GPHN: variants seen among roughly 807,000 people sequenced by gnomAD.
GPHN encodes the protein gephyrin.
A neutral mutation model predicts 95.5 loss-of-function variants in GPHN; 17 were observed. The ratio of observed to expected loss-of-function variants is 0.18; its 90% CI spans 0.12 to 0.27. GPHN has a LOEUF of 0.27. GPHN is among the 10% of genes least tolerant of loss of function. The pLI is 1.00. For missense variants in GPHN, 660 were observed against 978.1 expected, an observed-to-expected ratio of 0.67 and a Z score of 4.34; for synonymous variants, 320 against 322.5, an observed-to-expected ratio of 0.99 and a Z score of 0.08.
At chr14:67,035,069 T>C (rs1308036258) in intron 10 of GPHN, among the ~76,000 whole-genome samples, 2 of 151,914 alleles carry the variant, frequency 1.3e-5, no homozygotes, top group Non-Finnish European at 1.5e-5. Flanking sequence ...GAGATCTTAG[T>C]GGACTGAAAC....
chr14:67,409,051 T>TA, the GPHN span, among the ~76,000 whole-genome samples: 2,784 of 108,490 alleles, frequency 0.026, 29 homozygotes, highest in African/African-American at 0.033. Context: ...ATTGTCGCTA[T>TA]AAAAAAAAAA....
At chr14:67,610,105 C>T in the GPHN span, among the ~76,000 whole-genome samples, 1 of 151,272 alleles carries the variant, frequency 6.6e-6, no homozygotes, top group Non-Finnish European at 1.5e-5. Flanking sequence ...CGAGGGTTGC[C>T]AGCGGCGGGG....
intron 10 of GPHN, among the ~76,000 whole-genome samples, chr14:67,056,469 T>C (rs1168507315): frequency 6.6e-6 from 1 of 152,158 alleles, no homozygotes; most frequent in Non-Finnish European, 1.5e-5. Context: ...AGAGTGCTGA[T>C]TGGTGGATGT....
intron 18 of GPHN, among the ~76,000 whole-genome samples, chr14:67,149,384 G>T (rs1053921656): frequency 1.3e-5 from 2 of 151,996 alleles, no homozygotes; most frequent in Non-Finnish European, 2.9e-5. Flanking sequence ...AACATGAAAT[G>T]GCTTTATTGT....
chr14:66,717,224 G>A (rs1165589507), intron 2 of GPHN, among the ~76,000 whole-genome samples: 2 of 152,088 alleles, frequency 1.3e-5, no homozygotes, highest in Non-Finnish European at 2.9e-5. Context: ...TTGTAGGATT[G>A]AGTTCATTTG....
At chr14:67,216,089 C>T in the GPHN span, among the ~76,000 whole-genome samples, 1 of 152,162 alleles carries the variant, frequency 6.6e-6, no homozygotes, top group African/African-American at 2.4e-5. Flanking sequence ...TCCTACCAAT[C>T]CCCCATGGTA....
the GPHN span, among the ~76,000 whole-genome samples, chr14:67,469,255 A>G: frequency 6.6e-6 from 1 of 152,122 alleles, no homozygotes; most frequent in African/African-American, 2.4e-5. Flanking sequence ...CAGCTGTGAC[A>G]GGGGGCCCAT....
chr14:66,724,545 A>AC (rs1487214647), intron 2 of GPHN, among the ~76,000 whole-genome samples: 1 of 152,202 alleles, frequency 6.6e-6, no homozygotes, highest in Non-Finnish European at 1.5e-5. Context: ...AAAATGTCTA[A>AC]CAGGGGTAGA....
intron 11 of GPHN, among the ~76,000 whole-genome samples, chr14:67,062,961 T>C (rs975901008): frequency 2.6e-5 from 4 of 152,250 alleles, no homozygotes; most frequent in South Asian, 2.1e-4. Flanking sequence ...TTTGTTGCCA[T>C]TGCTTTTTGT....
the GPHN span, chr14:67,471,122 C>A: frequency 2.0e-5 from 3 of 152,246 alleles, no homozygotes; most frequent in Non-Finnish European, 4.4e-5. Context: ...AAACACAATG[C>A]TGGATGTTGC....
chr14:67,592,392 A>G, the GPHN span: 1 of 488,210 alleles, frequency 2.0e-6, no homozygotes, highest in Non-Finnish European at 3.7e-6. Context: ...ATGAGTGGTG[A>G]TTGTCACTGC....
chr14:66,541,148 A>G (rs947486218), intron 1 of GPHN, among the ~76,000 whole-genome samples: 1 of 152,126 alleles, frequency 6.6e-6, no homozygotes, highest in African/African-American at 2.4e-5. Context: ...GGGTTTCTCC[A>G]TGTTGGTCAG....
chr14:67,683,649 T>C, the GPHN span, among the ~76,000 whole-genome samples: 2 of 152,232 alleles, frequency 1.3e-5, no homozygotes, highest in East Asian at 3.8e-4. Flanking sequence ...GGAGATCCAA[T>C]GCTTCCTCCC....
the GPHN span, among the ~76,000 whole-genome samples, chr14:67,435,520 A>G: frequency 1.2e-4 from 19 of 152,218 alleles, no homozygotes; most frequent in Admixed American, 4.6e-4. Flanking sequence ...TGGCCACAAC[A>G]GGGTATGGCG....
the GPHN span, among the ~76,000 whole-genome samples, chr14:67,460,998 T>C: frequency 2.0e-5 from 3 of 152,192 alleles, no homozygotes; most frequent in African/African-American, 7.2e-5. Flanking sequence ...AGAAAACTTG[T>C]GTGTAGAGAG....
At chr14:67,715,211 C>G in the GPHN span, 1 of 42,240 alleles carries the variant, frequency 2.4e-5, no homozygotes, top group African/African-American at 7.2e-5. Flanking sequence ...GCATAATAGC[C>G]GTTAAAAAAT....
the GPHN span, chr14:67,615,299 A>G: frequency 6.5e-6 from 1 of 153,098 alleles, no homozygotes; most frequent in East Asian, 1.9e-4. Context: ...AAATAAAAGC[A>G]GGTATTCATT....
intron 4 of GPHN, among the ~76,000 whole-genome samples, chr14:66,878,346 A>G (rs535462979): frequency 6.6e-6 from 1 of 152,330 alleles, no homozygotes; most frequent in East Asian, 1.9e-4. Flanking sequence ...CAATTGCAAC[A>G]AAAGCCAAAA....
chr14:67,709,034 G>A, the GPHN span, among the ~76,000 whole-genome samples: 7 of 152,228 alleles, frequency 4.6e-5, no homozygotes, highest in African/African-American at 1.2e-4. Flanking sequence ...CTCATGATCC[G>A]CTGGCCTTGG....
Sources: gnomAD v4.1 joint callset for allele counts (sites outside exome capture counted in the v4.1 genomes callset) on GRCh38, gnomAD v4.1.1 for gene constraint, MANE v1.5 for transcripts, NCBI Gene and HGNC (gene_info 2026-07-23, HGNC 2026-07-21) for gene names.